Variants in PLGRKT observed in about 807,000 individuals in gnomAD.
PLGRKT encodes the protein plasminogen receptor with a C-terminal lysine, also known as plasminogen receptor (KT).
In PLGRKT, 22 loss-of-function variants were observed where a neutral mutation model predicts 18.5. The observed-to-expected ratio is 1.19, with a 90% CI of 0.85 to 1.70. The LOEUF (loss-of-function observed/expected upper bound fraction) is 1.70. PLGRKT is among the 40% of genes most tolerant of loss of function. PLGRKT has a pLI of 0.00. For missense variants in PLGRKT, 235 were observed against 174.4 expected (o/e 1.35, Z -1.96); for synonymous variants, 72 against 52.8 (o/e 1.36, Z -1.58).
chr9:5,412,359 G>C (rs1818382213), intron 3 of PLGRKT, among the ~76,000 whole-genome samples: 1 of 152,188 alleles, frequency 6.6e-6, no homozygotes, highest in South Asian at 2.1e-4. Context: ...GCTATGGTTT[G>C]AATGTGTCCC....
intron 3 of PLGRKT, among the ~76,000 whole-genome samples, chr9:5,406,628 G>A (rs566026677): frequency 2.6e-5 from 4 of 152,200 alleles, no homozygotes; most frequent in South Asian, 4.1e-4. Flanking sequence ...GCCAGGGGGA[G>A]AACATTAGGG....
intron 3 of PLGRKT, among the ~76,000 whole-genome samples, chr9:5,428,015 TGGGAGAAGG>T (rs1282831236): frequency 1.3e-5 from 2 of 151,722 alleles, no homozygotes; most frequent in Non-Finnish European, 2.9e-5. Context: ...CCTTCTGGGG[TGGGAGAAGG>T]GAGGATGTTA....
At position 5,392,035 on chromosome 9, in the gene PLGRKT, G is replaced by A. The variant is rs886524271; in HGVS notation, c.82-30147C>T. On this transcript the variant is annotated intron_variant, in intron 3 of 5. Transcript: ENST00000223864. The stretch of plus-strand genomic sequence containing the variant: ...CTCATCTCTTAGAGCTCTGACATAT[G>A]TACCATGAGACCTAGAGGGGGAAAG... Among the ~76,000 whole-genome samples, 47 of 152,036 alleles carry A rather than the reference G, an allele frequency of 3.1e-4. 1 individual carries two copies. The highest frequency in any genetic ancestry group is 1.1e-3 in the African/African-American group (46 of 41,308).
At chr9:5,414,897 T>C (rs189815839) in intron 3 of PLGRKT, among the ~76,000 whole-genome samples, 1 of 152,210 alleles carries the variant, frequency 6.6e-6, no homozygotes, top group Admixed American at 6.5e-5. Flanking sequence ...AGTGTCAATA[T>C]GAACTTCTGG....
intron 3 of PLGRKT, among the ~76,000 whole-genome samples, chr9:5,372,365 T>G (rs938335645): frequency 2.0e-5 from 3 of 152,182 alleles, no homozygotes; most frequent in Admixed American, 6.5e-5. Flanking sequence ...TATTCTAATA[T>G]GCCTAATCTT....
chr9:5,376,297 A>G lies in PLGRKT; in HGVS notation c.82-14409T>C, dbSNP rs368998432. Among the ~76,000 whole-genome samples, 14 of 152,272 alleles carry G rather than the reference A, an allele frequency of 9.2e-5. 1 individual carries two copies. Among genetic ancestry groups the G allele is most frequent in the East Asian group, 7.7e-4 (4 of 5,174 alleles). On this transcript the variant is annotated intron_variant, in intron 3 of 5. Coordinates refer to ENST00000223864, the MANE Select transcript of PLGRKT (RefSeq NM_018465.4). ...TGGTGATGTTTGCACAAGGCAGCAC[A>G]AGGGAGAGGCGCAGTGAAGGGGCCA... is the stretch of plus-strand genomic sequence containing the variant.
chr9:5,431,829 C>T, intron 3 of PLGRKT, 68 bp downstream of exon 3: 1 of 754,896 alleles, frequency 1.3e-6, no homozygotes, highest in Non-Finnish European at 2.4e-6. Flanking sequence ...GAATGTACGG[C>T]TGGAGTACAT....
chr9:5,384,480 A>C (rs1207679910), intron 3 of PLGRKT, among the ~76,000 whole-genome samples: 4 of 152,198 alleles, frequency 2.6e-5, no homozygotes, highest in Non-Finnish European at 5.9e-5. Context: ...ATAAAATCTC[A>C]CCATGACATT....
chr9:5,387,952 T>G (rs935440537), intron 3 of PLGRKT, among the ~76,000 whole-genome samples: 1 of 151,744 alleles, frequency 6.6e-6, no homozygotes, highest in Non-Finnish European at 1.5e-5. Context: ...TATTTGGAAT[T>G]GGGAGCTGAA....
At chr9:5,409,370 C>G (rs1238621383) in intron 3 of PLGRKT, among the ~76,000 whole-genome samples, 1 of 152,202 alleles carries the variant, frequency 6.6e-6, no homozygotes, top group East Asian at 1.9e-4. Context: ...CTGGCGTAGC[C>G]TCCTGGCCTA....
chr9:5,364,701 G>A (rs1045308479), intron 3 of PLGRKT, among the ~76,000 whole-genome samples: 1 of 152,206 alleles, frequency 6.6e-6, no homozygotes, highest in African/African-American at 2.4e-5. Flanking sequence ...CTGTACTCTA[G>A]TGAGTAAAAC....
intron 3 of PLGRKT, among the ~76,000 whole-genome samples, chr9:5,365,985 T>C (rs1230075803): frequency 1.3e-5 from 2 of 152,066 alleles, no homozygotes; most frequent in African/African-American, 4.8e-5. Flanking sequence ...TGAGAAAAAA[T>C]TCCATGCAGA....
intron 3 of PLGRKT, among the ~76,000 whole-genome samples, chr9:5,409,869 C>A (rs945458670): frequency 6.6e-6 from 1 of 152,176 alleles, no homozygotes; most frequent in Non-Finnish European, 1.5e-5. Context: ...TGGAATACCT[C>A]CAATGTATCT....
chr9:5,395,953 G>A (rs1818038346), intron 3 of PLGRKT, among the ~76,000 whole-genome samples: 1 of 148,888 alleles, frequency 6.7e-6, no homozygotes, highest in South Asian at 2.1e-4. Flanking sequence ...GCGTGAGGTG[G>A]CACAATCTTG....
intron 3 of PLGRKT, among the ~76,000 whole-genome samples, chr9:5,398,714 C>CT (rs1158841716): frequency 6.6e-6 from 1 of 151,802 alleles, no homozygotes; most frequent in Non-Finnish European, 1.5e-5. Context: ...CATCATAAAG[C>CT]TTTGAGGAAA....
intron 3 of PLGRKT, among the ~76,000 whole-genome samples, chr9:5,430,270 T>A (rs909321051): frequency 6.6e-6 from 1 of 152,220 alleles, no homozygotes; most frequent in African/African-American, 2.4e-5. Context: ...CCTGACTTCA[T>A]GGGGACCAAC....
chr9:5,426,929 G>A (rs890131223), intron 3 of PLGRKT, among the ~76,000 whole-genome samples: 2 of 152,170 alleles, frequency 1.3e-5, no homozygotes, highest in African/African-American at 2.4e-5. Context: ...GGGACTTGGA[G>A]TGCGTGCCGC....
At chr9:5,414,656 A>C (rs1818425213) in intron 3 of PLGRKT, among the ~76,000 whole-genome samples, 1 of 152,236 alleles carries the variant, frequency 6.6e-6, no homozygotes, top group South Asian at 2.1e-4. Flanking sequence ...TTAGGAAAAC[A>C]ATATTTTGAC....
At chr9:5,386,686 G>A (rs1817850413) in intron 3 of PLGRKT, among the ~76,000 whole-genome samples, 1 of 151,844 alleles carries the variant, frequency 6.6e-6, no homozygotes, top group Non-Finnish European at 1.5e-5. Flanking sequence ...TCTGACATCT[G>A]TTTCTGTTCA....
Sources: allele counts gnomAD v4.1 joint callset (sites outside exome capture counted in the v4.1 genomes callset), GRCh38; gene constraint gnomAD v4.1.1; transcripts MANE v1.5; gene names NCBI Gene and HGNC (gene_info 2026-07-23, HGNC 2026-07-21).